RGS11: variants seen among roughly 807,000 people sequenced by gnomAD.
RGS11 encodes the protein regulator of G-protein signaling 11.
Under a neutral mutation model 71.1 loss-of-function variants are expected in RGS11, and 86 were observed. The ratio of observed to expected loss-of-function variants is 1.21; its 90% CI spans 1.02 to 1.45. The LOEUF (loss-of-function observed/expected upper bound fraction) is 1.45, where lower values mean the gene tolerates loss of function less well. RGS11 is among the 40% of genes most tolerant of loss of function. The pLI, the probability that RGS11 is intolerant of heterozygous loss-of-function variation, is 0.00. For synonymous variants in RGS11, 298 were observed against 254.2 expected, an observed-to-expected ratio of 1.17 and a Z score of -1.64; for missense variants, 734 against 635.1, an observed-to-expected ratio of 1.16 and a Z score of -1.67.
At chr16:269,980 T>G in intron 15 of RGS11, 2 of 193,930 alleles carry the variant, frequency 1.0e-5, no homozygotes, top group Admixed American at 5.4e-5. Flanking sequence ...CCGGGCAGAG[T>G]GGCTCACGCC....
rs1479666236 is a variant in RGS11, at chr16:275,503, G to A, written c.64-5C>T. On this transcript the variant is annotated splice_region_variant and splice_polypyrimidine_tract_variant and intron_variant, in intron 1 of 16. Transcript: ENST00000397770. ...GCTCACGACCACCCGCTCCATCTGG[G>A]CGGAGGGAGTCGTCAGGGGGTGTCT... 1 of 1,559,832 alleles carries A rather than the reference G, an allele frequency of 6.4e-7. No homozygotes were observed. The highest frequency in any genetic ancestry group is 8.6e-7 in the Non-Finnish European group (1 of 1,159,620).
At chr16:271,632 G>A in intron 9 of RGS11, 63 bp from the exon 10 acceptor site, 1 of 1,522,034 alleles carries the variant, frequency 6.6e-7, no homozygotes. Context: ...AAAATCCCCA[G>A]CAGGAGGGCA....
In RGS11 at chr16:268,788, C is replaced by A; in HGVS notation, c.*481G>T. 6.5e-7 allele frequency: 1 copy of A among 1,550,078 alleles called. No individual in the cohort carries two copies. The highest frequency in any genetic ancestry group is 8.7e-7 in the Non-Finnish European group (1 of 1,146,970). On this transcript the variant is annotated 3_prime_UTR_variant, in exon 17 of 17. Coordinates refer to ENST00000397770, the MANE Select transcript of RGS11 (RefSeq NM_183337.3). Reference sequence around the variant, plus strand: ...GGTCCTCTTCCAGGCTCACACTGGGCGACAGCGGAGAGGCTCTTGGACGGG... The same window carrying A: ...GGTCCTCTTCCAGGCTCACACTGGGAGACAGCGGAGAGGCTCTTGGACGGG...
At chr16:275,797 G>A in intron 1 of RGS11, 52 bp downstream of exon 1, 2 of 695,110 alleles carry the variant, frequency 2.9e-6, no homozygotes, top group Non-Finnish European at 3.9e-6. Flanking sequence ...GCCCCTCCCG[G>A]CCTCGGGCGC....
chr16:274,929 T>C (rs1180023713), intron 4 of RGS11, 47 bp downstream of exon 4: 5 of 487,814 alleles, frequency 1.0e-5, no homozygotes, highest in Non-Finnish European at 1.3e-5. Flanking sequence ...GCTGGGTGGG[T>C]GGGGGTGGGG....
intron 4 of RGS11, chr16:274,607 G>A: frequency 1.7e-6 from 1 of 604,530 alleles, no homozygotes; most frequent in Non-Finnish European, 3.1e-6. Flanking sequence ...GGTCGGCCCG[G>A]GACCCTGATG....
rs766693380 is a variant in RGS11 at position 275,335 on chromosome 16, T to C, written c.161-2A>G. On this transcript the variant is annotated splice_acceptor_variant, in intron 2 of 16. Transcript: ENST00000397770. LOFTEE classifies it high-confidence loss of function. Reference sequence around the variant, plus strand: ...CCAACCACTGCACGACGTCGCTGCCTGCACGGGAGAGACAGAGGTGGAGGG... The same window carrying C: ...CCAACCACTGCACGACGTCGCTGCCCGCACGGGAGAGACAGAGGTGGAGGG... 9 of 1,612,044 alleles carry C rather than the reference T, an allele frequency of 5.6e-6. No homozygotes were observed. The African/African-American group carries it at 8.0e-5, about 14-fold the overall frequency.
At chr16:272,227 G>A in intron 9 of RGS11, 1 of 1,194,758 alleles carries the variant, frequency 8.4e-7, no homozygotes, top group Non-Finnish European at 1.1e-6. Context: ...GGGGAACCAG[G>A]TGTGACCTTC....
At position 273,927 on chromosome 16, in the gene RGS11, T is replaced by A. The variant is rs368426542; in HGVS notation, c.430-91A>T. 1.3e-4 allele frequency: 186 copies of A among 1,477,520 alleles called. No individual in the cohort carries two copies. The African/African-American group carries it at 1.9e-3, about 15-fold the overall frequency. 91.5% of individuals were successfully genotyped at this position (1,477,520 alleles called of 1,614,324 possible). A position where few individuals can be genotyped will look rare whatever the true frequency, so the allele number is the denominator to read the frequency against. ...TTGGGGGGTTGGGGACTGTCTTGGG[T>A]TTTGGGGCCTGGGCTGTATGTTCTG... On this transcript the variant is annotated intron_variant, in intron 6 of 16. Transcript: ENST00000397770.
At position 269,014 on chromosome 16, in the gene RGS11, C is replaced by T. The variant is rs1414667767; in HGVS notation, c.*255G>A. On this transcript the variant is annotated 3_prime_UTR_variant, in exon 17 of 17. Coordinates refer to ENST00000397770, the MANE Select transcript of RGS11 (RefSeq NM_183337.3). ...GTCTCACCTCTCTTCAGGTAACAGG[C>T]TCTGCCCTGACCCAAGCTGAGCCAA... 3.6e-6 allele frequency: 5 copies of T among 1,401,216 alleles called. No homozygotes were observed. Among genetic ancestry groups the T allele is most frequent in the Non-Finnish European group, 4.9e-6 (5 of 1,011,064 alleles). The allele number at this position is 1,401,216 out of a possible 1,614,324, so 86.8% of individuals were successfully genotyped here. A position where few individuals can be genotyped will look rare whatever the true frequency, so the allele number is the denominator to read the frequency against.
Position 274,624 on chromosome 16 carries a change from G to C in RGS11, c.318+352C>G, listed in dbSNP as rs774069324. 18 of 627,896 alleles carry C rather than the reference G, an allele frequency of 2.9e-5. No individual in the cohort carries two copies. In the South Asian group the frequency reaches 2.9e-4, roughly 10 times the overall value. 38.9% of individuals were successfully genotyped at this position (627,896 alleles called of 1,614,324 possible). On this transcript the variant is annotated intron_variant, in intron 4 of 16. Coordinates refer to ENST00000397770, the MANE Select transcript of RGS11 (RefSeq NM_183337.3). ...TCGGCCCGGGACCCTGATGTGGTTA[G>C]GGAGGGCAGGAATGCTGTCCTCAGG... is the stretch of plus-strand genomic sequence containing the variant.
intron 1 of RGS11, 152 bp from the exon 2 acceptor site, chr16:275,650 G>A: frequency 7.8e-6 from 1 of 127,962 alleles, no homozygotes; most frequent in Non-Finnish European, 1.4e-5. Flanking sequence ...CGCGGGGCGG[G>A]CCGGGGAGGG....
intron 1 of RGS11, 82 bp from the exon 2 acceptor site, chr16:275,580 G>T: frequency 8.1e-7 from 1 of 1,229,302 alleles, no homozygotes; most frequent in Non-Finnish European, 1.1e-6. Context: ...CCCCGGATCC[G>T]GGAGCGCGGA....
chr16:271,171 C>T, intron 12 of RGS11, 31 bp downstream of exon 12: 3 of 1,607,306 alleles, frequency 1.9e-6, no homozygotes, highest in Non-Finnish European at 2.6e-6. Flanking sequence ...TGGGAGCACA[C>T]CCGCAGTCCC....
chr16:271,534 A>T lies in RGS11; in HGVS notation c.687+6T>A. On this transcript the variant is annotated splice_donor_region_variant and intron_variant, in intron 10 of 16. Transcript: ENST00000397770. ...GGCACCCTCCACTCCCAGCTCCAGA[A>T]CTTACCTCCCGCTTATGGAAATCTG... 6.2e-7 allele frequency: 1 copy of T among 1,613,980 alleles called. No individual in the cohort carries two copies. Among genetic ancestry groups the T allele is most frequent in the Non-Finnish European group, 8.5e-7 (1 of 1,180,000 alleles).
chr16:271,305 A>C lies in RGS11; in HGVS notation c.760T>G (p.Phe254Val). ...SSVCLEAYLS[F>V]CGQRGPHDPL... ...TCGTGGGGTCCACGCTGGCCGCAGA[A>C]ACTCAGGTACCTGGAAGGGGGTATG... Residue 254 changes from phenylalanine to valine, a missense_variant, in exon 12 of 17, where the codon TTC (phenylalanine) becomes GTC (valine). Transcript: ENST00000397770. The C allele has an allele frequency of 1.2e-6, 2 of 1,612,962 alleles. No homozygotes were observed. The highest frequency in any genetic ancestry group is 1.7e-6 in the Non-Finnish European group (2 of 1,179,950).
rs917192701 is a variant in RGS11, at chr16:274,586, A to C, written c.319-321T>G. ...ACAGTCTGTGCCTGGGGAGGGGTAC[A>C]ACCGACGGCAGGTCGGCCCGGGACC... On this transcript the variant is annotated intron_variant, in intron 4 of 16. Transcript: ENST00000397770. The C allele has an allele frequency of 8.4e-6, 5 of 592,196 alleles. No individual in the cohort carries two copies. The African/African-American group carries it at 9.2e-5, about 11-fold the overall frequency. The allele number at this position is 592,196 out of a possible 1,614,324, so 36.7% of individuals were successfully genotyped here.
chr16:273,350 C>A (rs2052019660), intron 8 of RGS11, 125 bp downstream of exon 8: 1 of 716,100 alleles, frequency 1.4e-6, no homozygotes, highest in Non-Finnish European at 2.3e-6. Context: ...GTCCTGCCCC[C>A]ACCAGGAGCT....
chr16:271,204 G>T lies in RGS11; in HGVS notation c.861C>A (p.Pro287=), dbSNP rs376188476. ...CCCGCTGCCCCGCCTGGGCTCACGT[G>T]GGGGCATTCATGACCCAGTAGGCGT... ...DNDAYWVMNA[P]TVAAPTKLRV... The change falls in exon 12 of 17, where the codon CCC becomes CCA. Residue 287 remains proline, a splice_region_variant and synonymous_variant. Coordinates refer to ENST00000397770, the MANE Select transcript of RGS11 (RefSeq NM_183337.3). 2 of 1,612,032 alleles carry T rather than the reference G, an allele frequency of 1.2e-6. No homozygotes were observed. The highest frequency in any genetic ancestry group is 1.7e-6 in the Non-Finnish European group (2 of 1,179,386).
Sources: gnomAD v4.1 joint callset for allele counts on GRCh38, gnomAD v4.1.1 for gene constraint, MANE v1.5 for transcripts, NCBI Gene and HGNC (gene_info 2026-07-23, HGNC 2026-07-21) for gene names.